PCBP3: variants seen among roughly 807,000 people sequenced by gnomAD.
PCBP3 encodes poly(rC)-binding protein 3.
A neutral mutation model predicts 52.7 loss-of-function variants in PCBP3; 25 were observed. That is an observed-to-expected ratio of 0.47 (90% CI 0.35 to 0.66). The LOEUF (loss-of-function observed/expected upper bound fraction) is 0.66. PCBP3 is among the 30% of genes least tolerant of loss of function. PCBP3 has a pLI of 0.01. For missense variants in PCBP3, 391 were observed against 490.3 expected (o/e 0.80, Z 1.91); for synonymous variants, 162 against 183.0 (o/e 0.89, Z 0.93).
At chr21:45,866,038 A>G (rs899788521) in intron 5 of PCBP3, among the ~76,000 whole-genome samples, 10 of 152,236 alleles carry the variant, frequency 6.6e-5, no homozygotes, top group Admixed American at 1.3e-4. Flanking sequence ...AGCCAGCAGA[A>G]TAGCAGTGGG....
chr21:45,804,569 C>A (rs143028254), intron 4 of PCBP3, among the ~76,000 whole-genome samples: 2 of 152,098 alleles, frequency 1.3e-5, no homozygotes, highest in African/African-American at 2.4e-5. Context: ...TCTGCACCCC[C>A]CTGACCCTGA....
At chr21:45,814,333 CTAGTGAGTGGT>C (rs1217152267) in intron 4 of PCBP3, among the ~76,000 whole-genome samples, 1 of 121,500 alleles carries the variant, frequency 8.2e-6, no homozygotes, top group African/African-American at 3.2e-5. Flanking sequence ...GAGTGGTGAG[CTAGTGAGTGGT>C]GAGTGAGTGG....
chr21:45,900,184 C>G (rs1032111631), intron 7 of PCBP3, among the ~76,000 whole-genome samples: 1 of 152,208 alleles, frequency 6.6e-6, no homozygotes, highest in Admixed American at 6.5e-5. Context: ...TCCCGGCTTC[C>G]TCCCAAACGC....
chr21:45,760,712 G>A (rs1005973945), intron 4 of PCBP3: 1 of 152,180 alleles, frequency 6.6e-6, no homozygotes, highest in African/African-American at 2.4e-5. Flanking sequence ...GATGAGAAAA[G>A]TAGAAAACAC....
At chr21:45,725,725 G>A (rs1240900022) in intron 2 of PCBP3, among the ~76,000 whole-genome samples, 1 of 152,204 alleles carries the variant, frequency 6.6e-6, no homozygotes, top group Non-Finnish European at 1.5e-5. Context: ...GGGAGGCTGA[G>A]CAGGAGTGGC....
chr21:45,937,853 T>C (rs2077043616), intron 16 of PCBP3, among the ~76,000 whole-genome samples: 1 of 152,186 alleles, frequency 6.6e-6, no homozygotes, highest in Admixed American at 6.5e-5. Context: ...AGAGTGCCAG[T>C]ATAGAAGTCA....
chr21:45,725,073 ATCTT>A (rs977086946), intron 2 of PCBP3, among the ~76,000 whole-genome samples: 3 of 152,160 alleles, frequency 2.0e-5, no homozygotes, highest in Non-Finnish European at 2.9e-5. Context: ...TTTTAAAAAT[ATCTT>A]TCTTATGAAG....
In PCBP3 at chr21:45,842,856, G is replaced by A. The variant is rs77692808; in HGVS notation, c.-125-7105G>A. ...AGCCCCTCTGACCGGGCAGGGTGCT[G>A]TGTGCGTCCTGTCCTGTGCATGGAG... On this transcript the variant is annotated intron_variant, in intron 4 of 17. Coordinates refer to ENST00000681687, the MANE Select transcript of PCBP3 (RefSeq NM_001384156.1). Among the ~76,000 whole-genome samples the A allele has an allele frequency of 4.8e-3, 727 of 152,318 alleles. 9 individuals carry two copies. Among genetic ancestry groups the A allele is most frequent in the African/African-American group, 0.017 (697 of 41,564 alleles).
intron 4 of PCBP3, among the ~76,000 whole-genome samples, chr21:45,835,164 G>A (rs956775316): frequency 2.0e-5 from 3 of 152,232 alleles, no homozygotes; most frequent in African/African-American, 7.2e-5. Flanking sequence ...AGAGCCAGAT[G>A]AGGGGAGCCA....
At chr21:45,896,384 T>G in intron 6 of PCBP3, 22 bp downstream of exon 6, 1 of 1,549,826 alleles carries the variant, frequency 6.5e-7, no homozygotes. Flanking sequence ...CGCCATTGTC[T>G]CTGTAGGAAA....
chr21:45,842,313 A>G (rs559539968), intron 4 of PCBP3, among the ~76,000 whole-genome samples: 105 of 152,296 alleles, frequency 6.9e-4, no homozygotes, highest in African/African-American at 2.4e-3. Context: ...CTAGATTCCC[A>G]CTTGGTGTGA....
chr21:45,919,123 C>T (rs2074034207), intron 13 of PCBP3: 1 of 85,040 alleles, frequency 1.2e-5, no homozygotes. Flanking sequence ...GGGAGAGCAA[C>T]AGAGAACGAG....
intron 2 of PCBP3, among the ~76,000 whole-genome samples, chr21:45,683,704 A>G (rs933489586): frequency 6.6e-6 from 1 of 152,118 alleles, no homozygotes; most frequent in Non-Finnish European, 1.5e-5. Flanking sequence ...AGGCGGGCAG[A>G]TCACGAGGTC....
chr21:45,857,803 G>A (rs908656218), intron 5 of PCBP3, among the ~76,000 whole-genome samples: 2 of 152,198 alleles, frequency 1.3e-5, no homozygotes. Flanking sequence ...GCATGTACCA[G>A]TGACCAGAAA....
chr21:45,703,025 C>T (rs550497222), intron 2 of PCBP3, among the ~76,000 whole-genome samples: 2,150 of 152,190 alleles, frequency 0.014, 18 homozygotes, highest in Non-Finnish European at 0.018. Context: ...AACTCCTTAT[C>T]CATTCAAGTT....
intron 6 of PCBP3, among the ~76,000 whole-genome samples, chr21:45,897,171 A>G (rs1443069384): frequency 6.6e-6 from 1 of 152,232 alleles, no homozygotes; most frequent in African/African-American, 2.4e-5. Context: ...CCAACCTGAT[A>G]TCTTCTGCGT....
intron 3 of PCBP3, among the ~76,000 whole-genome samples, chr21:45,746,193 C>T (rs35622764): frequency 0.55 from 25,872 of 47,166 alleles, 10,124 homozygotes; most frequent in Non-Finnish European, 0.61. Flanking sequence ...TCAGCATCAC[C>T]GTGTCAGTCC....
intron 5 of PCBP3, among the ~76,000 whole-genome samples, chr21:45,874,663 C>T (rs192759021): frequency 3.9e-5 from 6 of 152,182 alleles, no homozygotes; most frequent in African/African-American, 9.6e-5. Context: ...CTTGCCACCA[C>T]GCCCGGCTAC....
chr21:45,731,348 G>C (rs1243441608), intron 2 of PCBP3, among the ~76,000 whole-genome samples: 1 of 152,180 alleles, frequency 6.6e-6, no homozygotes, highest in East Asian at 1.9e-4. Flanking sequence ...TTTTAGGCTC[G>C]TTAGCTGAAT....
Sources: allele counts gnomAD v4.1 joint callset (sites outside exome capture counted in the v4.1 genomes callset), GRCh38; gene constraint gnomAD v4.1.1; transcripts MANE v1.5; gene names NCBI Gene and HGNC (gene_info 2026-07-23, HGNC 2026-07-21).